Variants in KMT2C observed in about 807,000 individuals in gnomAD.
KMT2C encodes histone-lysine N-methyltransferase 2C.
Under a neutral mutation model 507.9 loss-of-function variants are expected in KMT2C, and 88 were observed. The observed-to-expected ratio is 0.17, with a 90% confidence interval of 0.15 to 0.21. The LOEUF (loss-of-function observed/expected upper bound fraction) is 0.21, where lower values mean the gene tolerates loss of function less well. Among genes scored for constraint, KMT2C ranks in the 10% least tolerant of loss-of-function variants. The probability of loss-of-function intolerance (pLI) is 1.00; values close to 1 mark genes in which losing one functional copy is unlikely to be tolerated. For synonymous variants in KMT2C, 2,049 were observed against 2,080.8 expected (o/e 0.98, Z 0.42); for missense variants, 4,954 against 5,957.8 (o/e 0.83, Z 5.55).
intron 26 of KMT2C, 119 bp downstream of exon 26, chr7:152,202,815 T>C: frequency 1.1e-6 from 1 of 879,544 alleles, no homozygotes; most frequent in Non-Finnish European, 1.7e-6. Context: ...TTATGATGAC[T>C]AAATGACAAC....
At chr7:152,426,425 G>C (rs1005399305) in intron 1 of KMT2C, among the ~76,000 whole-genome samples, 6 of 151,618 alleles carry the variant, frequency 4.0e-5, no homozygotes, top group Non-Finnish European at 7.4e-5. Flanking sequence ...TTGTAGAGAT[G>C]GGGATCTCAC....
intron 2 of KMT2C, among the ~76,000 whole-genome samples, chr7:152,342,172 A>G (rs796694163): frequency 3.3e-5 from 5 of 152,324 alleles, no homozygotes; most frequent in African/African-American, 1.2e-4. Context: ...CATAAGCAAC[A>G]GCTAAAAATT....
intron 6 of KMT2C, among the ~76,000 whole-genome samples, chr7:152,303,220 C>T (rs1322506942): frequency 6.6e-6 from 1 of 152,050 alleles, no homozygotes; most frequent in Non-Finnish European, 1.5e-5. Flanking sequence ...AATTGCTTGA[C>T]AAAAATGCCA....
Position 152,149,162 on chromosome 7 carries a change from A to G in KMT2C, c.12775-10T>C. ...ATGAAGGAATGGATTCCTGGGCAAC[A>G]TAAAGAAACCATGACAAAGAAAAAT... On this transcript the variant is annotated splice_polypyrimidine_tract_variant and intron_variant, in intron 51 of 58. Transcript: ENST00000262189. 1 of 1,453,442 alleles carries G rather than the reference A, an allele frequency of 6.9e-7. No homozygotes were observed. Among genetic ancestry groups the G allele is most frequent in the Non-Finnish European group, 9.0e-7 (1 of 1,105,188 alleles). The allele number at this position is 1,453,442 out of a possible 1,614,324, so 90.0% of individuals were successfully genotyped here.
At chr7:152,259,438 ACACACG>A (rs1563624016) in intron 9 of KMT2C, among the ~76,000 whole-genome samples, 1 of 108,172 alleles carries the variant, frequency 9.2e-6, no homozygotes, top group East Asian at 2.3e-4. Context: ...ACACAGACAC[ACACACG>A]CGCACACACA....
intron 2 of KMT2C, among the ~76,000 whole-genome samples, chr7:152,345,264 G>C (rs1438196809): frequency 1.3e-5 from 2 of 151,688 alleles, no homozygotes; most frequent in Non-Finnish European, 2.9e-5. Context: ...TTTTTAATTA[G>C]CCAGGAGTGG....
intron 3 of KMT2C, among the ~76,000 whole-genome samples, chr7:152,328,086 C>T (rs2096847290): frequency 6.6e-6 from 1 of 151,948 alleles, no homozygotes; most frequent in African/African-American, 2.4e-5. Flanking sequence ...CTTCAGAGTT[C>T]ACATGACAGT....
chr7:152,212,510 GA>G (rs1276995755), intron 23 of KMT2C, among the ~76,000 whole-genome samples: 1 of 152,054 alleles, frequency 6.6e-6, no homozygotes, highest in Non-Finnish European at 1.5e-5. Context: ...CCTGTATGTA[GA>G]AACCCCCAAA....
At chr7:152,357,534 A>AAAACAAACAAAC (rs550874806) in intron 2 of KMT2C, among the ~76,000 whole-genome samples, 1 of 152,104 alleles carries the variant, frequency 6.6e-6, no homozygotes, top group African/African-American at 2.4e-5. Flanking sequence ...TCTTGTCTTA[A>AAAACAAACAAAC]AAACAAACAA....
At chr7:152,432,873 G>A (rs545716303) in intron 1 of KMT2C, among the ~76,000 whole-genome samples, 1 of 152,144 alleles carries the variant, frequency 6.6e-6, no homozygotes, top group Non-Finnish European at 1.5e-5. Context: ...TCAGCGGGGT[G>A]CGGTGGCTCA....
chr7:152,283,841 T>C (rs9690407), intron 6 of KMT2C, among the ~76,000 whole-genome samples: 6,125 of 152,108 alleles, frequency 0.04, 171 homozygotes, highest in African/African-American at 0.14. Flanking sequence ...ATCAGTAAAA[T>C]TACTAATGCC....
chr7:152,327,967 A>G (rs2129210286), intron 3 of KMT2C, among the ~76,000 whole-genome samples: 1 of 151,464 alleles, frequency 6.6e-6, no homozygotes, highest in South Asian at 2.1e-4. Flanking sequence ...CAAAAAAAAA[A>G]AAAAAAAAGA....
At chr7:152,400,867 T>C (rs542550226) in intron 1 of KMT2C, among the ~76,000 whole-genome samples, 2 of 106,356 alleles carry the variant, frequency 1.9e-5, no homozygotes, top group African/African-American at 7.5e-5. Context: ...CTGAAGGAAA[T>C]AGGACTAAGG....
chr7:152,232,372 G>A (rs1383176746), intron 16 of KMT2C, among the ~76,000 whole-genome samples: 1 of 152,174 alleles, frequency 6.6e-6, no homozygotes. Context: ...AGACTGCCAT[G>A]AAAGAAATTA....
At chr7:152,433,421 CAA>C (rs1273293526) in intron 1 of KMT2C, among the ~76,000 whole-genome samples, 1 of 94,528 alleles carries the variant, frequency 1.1e-5, no homozygotes, top group Non-Finnish European at 2.0e-5. Flanking sequence ...ATACACAATT[CAA>C]AAACCTCTTT....
At chr7:152,241,482 G>A (rs1375974562) in intron 14 of KMT2C, among the ~76,000 whole-genome samples, 1 of 152,246 alleles carries the variant, frequency 6.6e-6, no homozygotes, top group Non-Finnish European at 1.5e-5. Context: ...GAGCCACCAC[G>A]GCCAGCCATG....
At chr7:152,193,953 C>G (rs2093886796) in intron 31 of KMT2C, 56 bp downstream of exon 31, 1 of 1,385,202 alleles carries the variant, frequency 7.2e-7, no homozygotes, top group Non-Finnish European at 9.5e-7. Flanking sequence ...GTATATGTAC[C>G]CACATATATA....
At chr7:152,212,807 A>G (rs1470701401) in intron 23 of KMT2C, among the ~76,000 whole-genome samples, 3 of 152,224 alleles carry the variant, frequency 2.0e-5, no homozygotes, top group African/African-American at 7.2e-5. Flanking sequence ...TTGGGAGGCC[A>G]AGGCGGGTAG....
chr7:152,271,330 G>A (rs199560389), intron 7 of KMT2C, among the ~76,000 whole-genome samples: 5 of 151,988 alleles, frequency 3.3e-5, no homozygotes, highest in South Asian at 2.1e-4. Context: ...GATTATGATC[G>A]TCTTAACAGA....
Sources: gnomAD v4.1 joint callset for allele counts (sites outside exome capture counted in the v4.1 genomes callset) on GRCh38, gnomAD v4.1.1 for gene constraint, MANE v1.5 for transcripts, NCBI Gene and HGNC (gene_info 2026-07-23, HGNC 2026-07-21) for gene names.